The following CACNB2 variants were observed in gnomAD, a reference collection of about 807,000 sequenced individuals.
The protein encoded by CACNB2 is voltage-dependent L-type calcium channel subunit beta-2.
In CACNB2, 42 loss-of-function variants were observed where a neutral mutation model predicts 73.3. The observed-to-expected ratio is 0.57, with a 90% CI of 0.45 to 0.74. The LOEUF (loss-of-function observed/expected upper bound fraction) is 0.74, where lower values mean the gene tolerates loss of function less well. Among genes scored for constraint, CACNB2 ranks in the 30% least tolerant of loss-of-function variants. The pLI, the probability that CACNB2 is intolerant of heterozygous loss-of-function variation, is 0.00. For synonymous variants in CACNB2, 348 were observed against 310.3 expected (o/e 1.12, Z -1.28); for missense variants, 940 against 853.0 (o/e 1.10, Z -1.27).
chr10:18,344,083 A>G (rs894742047), intron 2 of CACNB2, among the ~76,000 whole-genome samples: 1 of 149,706 alleles, frequency 6.7e-6, no homozygotes, highest in Non-Finnish European at 1.5e-5. Context: ...AAAAAAAAAA[A>G]GAAAGTTAGC....
chr10:18,384,136 C>A (rs16917243), intron 2 of CACNB2, among the ~76,000 whole-genome samples: 2 of 152,042 alleles, frequency 1.3e-5, no homozygotes, highest in Non-Finnish European at 2.9e-5. Context: ...TCCCAAGGAA[C>A]CTGTAGTCAC....
intron 3 of CACNB2, among the ~76,000 whole-genome samples, chr10:18,486,736 A>G (rs899296545): frequency 6.6e-6 from 1 of 152,166 alleles, no homozygotes; most frequent in Non-Finnish European, 1.5e-5. Context: ...AGAGGGCATG[A>G]GTCAGGGCAG....
intron 2 of CACNB2, among the ~76,000 whole-genome samples, chr10:18,248,008 A>G (rs564141523): frequency 1.2e-4 from 19 of 152,302 alleles, no homozygotes; most frequent in Admixed American, 1.0e-3. Flanking sequence ...CTTAATCCCA[A>G]TCATGACCTA....
At chr10:18,254,708 A>T (rs1488613825) in intron 2 of CACNB2, among the ~76,000 whole-genome samples, 1 of 152,218 alleles carries the variant, frequency 6.6e-6, no homozygotes, top group Non-Finnish European at 1.5e-5. Flanking sequence ...GGAAGCTGCA[A>T]GCAGCCAGAT....
chr10:18,529,929 CA>C (rs1184180004), intron 10 of CACNB2, among the ~76,000 whole-genome samples: 1 of 152,218 alleles, frequency 6.6e-6, no homozygotes, highest in Non-Finnish European at 1.5e-5. Flanking sequence ...CACAGTTCCA[CA>C]TGGCTAGTGA....
At chr10:18,163,561 C>A (rs1012871634) in intron 2 of CACNB2, among the ~76,000 whole-genome samples, 1 of 152,106 alleles carries the variant, frequency 6.6e-6, no homozygotes, top group African/African-American at 2.4e-5. Context: ...GCTGAGTTGG[C>A]CTCAGGCAGG....
At chr10:18,325,345 A>G (rs527635236) in intron 2 of CACNB2, among the ~76,000 whole-genome samples, 12 of 151,792 alleles carry the variant, frequency 7.9e-5, no homozygotes, top group African/African-American at 2.9e-4. Context: ...ATGCACCACC[A>G]TGCCCAGCTA....
At chr10:18,198,251 T>C (rs1348888469) in intron 2 of CACNB2, among the ~76,000 whole-genome samples, 1 of 150,578 alleles carries the variant, frequency 6.6e-6, no homozygotes, top group African/African-American at 2.4e-5. Flanking sequence ...TGAGTTAATA[T>C]ATGCAATAAT....
intron 2 of CACNB2, among the ~76,000 whole-genome samples, chr10:18,378,870 C>G (rs147424112): frequency 6.6e-6 from 1 of 152,280 alleles, no homozygotes; most frequent in East Asian, 1.9e-4. Flanking sequence ...CAAAAATTAC[C>G]TCCCTTCCTC....
Position 18,497,924 on chromosome 10 carries a change from G to A in CACNB2, c.334-431G>A, listed in dbSNP as rs117866664. Among the ~76,000 whole-genome samples, 215 of 152,144 alleles carry A rather than the reference G, an allele frequency of 1.4e-3. 5 individuals carry two copies. In the East Asian group the frequency reaches 0.02, roughly 14 times the overall value. On this transcript the variant is annotated intron_variant, in intron 3 of 13. Transcript: ENST00000324631. ...TTCTCATTCAATGATTGTACCTTTC[G>A]GAATTATGTCTTTAATGATTAATTA...
chr10:18,257,364 A>G (rs554311056), intron 2 of CACNB2: 1 of 152,340 alleles, frequency 6.6e-6, no homozygotes, highest in East Asian at 1.9e-4. Context: ...ACAACTATGA[A>G]TCTTTGTGAT....
At chr10:18,240,606 G>A (rs993166789) in intron 2 of CACNB2, among the ~76,000 whole-genome samples, 1 of 152,242 alleles carries the variant, frequency 6.6e-6, no homozygotes, top group African/African-American at 2.4e-5. Context: ...TTGCGATCTT[G>A]TCTCCCCATA....
At chr10:18,178,764 C>T (rs769454360) in intron 2 of CACNB2, among the ~76,000 whole-genome samples, 11 of 152,136 alleles carry the variant, frequency 7.2e-5, no homozygotes, top group Non-Finnish European at 1.2e-4. Context: ...GTTTGTGTTG[C>T]CATGGGGATG....
chr10:18,205,030 C>G (rs1028639520), intron 2 of CACNB2, among the ~76,000 whole-genome samples: 9 of 145,908 alleles, frequency 6.2e-5, no homozygotes, highest in Non-Finnish European at 1.0e-4. Flanking sequence ...ATATTCCAAA[C>G]TCTCTAATGT....
intron 11 of CACNB2, 51 bp downstream of exon 11, chr10:18,534,278 AT>A: frequency 1.4e-6 from 2 of 1,470,032 alleles, no homozygotes; most frequent in East Asian, 2.3e-5. Flanking sequence ...CCTAAAATGT[AT>A]TTTATGTTCT....
At chr10:18,520,993 G>C (rs2051823567) in intron 9 of CACNB2, among the ~76,000 whole-genome samples, 1 of 152,212 alleles carries the variant, frequency 6.6e-6, no homozygotes, top group African/African-American at 2.4e-5. Context: ...GGCAGGGTTT[G>C]AGAATGTTTT....
intron 2 of CACNB2, among the ~76,000 whole-genome samples, chr10:18,165,423 C>G (rs2032782039): frequency 6.6e-6 from 1 of 152,210 alleles, no homozygotes; most frequent in Non-Finnish European, 1.5e-5. Flanking sequence ...GAAGAAGGCA[C>G]AGGTTGAGGT....
chr10:18,445,306 G>A (rs10508561), intron 3 of CACNB2, among the ~76,000 whole-genome samples: 30,199 of 152,110 alleles, frequency 0.2, 3,235 homozygotes, highest in Non-Finnish European at 0.24. Context: ...TTGAACTACG[G>A]TGTTTATAAC....
rs1403548705 is a variant in CACNB2, at chr10:18,539,844, T to G, written c.*120T>G. ...CATATGTGATCTGTCTTGTAATATTTTGTATTATTGCTGTTGCTTGAATAG... is the reference window on the plus strand; with the variant it reads ...CATATGTGATCTGTCTTGTAATATTGTGTATTATTGCTGTTGCTTGAATAG... On this transcript the variant is annotated 3_prime_UTR_variant, in exon 14 of 14. Coordinates refer to ENST00000324631, the MANE Select transcript of CACNB2 (RefSeq NM_201596.3). The G allele has an allele frequency of 9.4e-7, 1 of 1,059,330 alleles. No homozygotes were observed. Among genetic ancestry groups the G allele is most frequent in the Non-Finnish European group, 1.4e-6 (1 of 730,944 alleles). The allele number at this position is 1,059,330 out of a possible 1,614,324, so 65.6% of individuals were successfully genotyped here. A position where few individuals can be genotyped will look rare whatever the true frequency, so the allele number is the denominator to read the frequency against.
Sources: allele counts gnomAD v4.1 joint callset (sites outside exome capture counted in the v4.1 genomes callset), GRCh38; gene constraint gnomAD v4.1.1; transcripts MANE v1.5; gene names NCBI Gene and HGNC (gene_info 2026-07-23, HGNC 2026-07-21).